Variants in SORCS2 observed in about 807,000 individuals in gnomAD.
SORCS2 encodes the protein VPS10 domain-containing receptor SorCS2.
In SORCS2, 100 loss-of-function variants were observed where a neutral mutation model predicts 141.6. The observed-to-expected ratio is 0.71, with a 90% CI of 0.60 to 0.83. The LOEUF is 0.83. SORCS2 is among the 40% of genes least tolerant of loss of function. SORCS2 has a pLI of 0.00. For synonymous variants in SORCS2, 789 were observed against 676.9 expected (o/e 1.17, Z -2.57); for missense variants, 1,646 against 1,560.2 (o/e 1.05, Z -0.93).
At chr4:7,675,919 A>C in intron 8 of SORCS2, 131 bp from the exon 9 acceptor site, 1 of 1,052,878 alleles carries the variant, frequency 9.5e-7, no homozygotes, top group Non-Finnish European at 1.4e-6. Context: ...CCAGGAGGCA[A>C]ACCTAGGCCA....
chr4:7,712,847 C>G lies in SORCS2; in HGVS notation c.1983C>G (p.Asn661Lys). The change falls in exon 15 of 27, where the codon AAC becomes AAG. Residue 661 changes from asparagine (N) to lysine (K), a missense_variant. Coordinates refer to ENST00000507866, the MANE Select transcript of SORCS2 (RefSeq NM_020777.3). ...EEDYSSWELS[N>K]LQGDRCIMGQ... ...ACTACAGCTCCTGGGAGCTCTCCAA[C>G]CTGCAGGTGGGCCGGCATGAGGCTG... 2 of 1,613,846 alleles carry G rather than the reference C, an allele frequency of 1.2e-6. No homozygotes were observed. The highest frequency in any genetic ancestry group is 1.7e-6 in the Non-Finnish European group (2 of 1,179,866).
At chr4:7,594,724 G>C (rs1369546334) in intron 3 of SORCS2, among the ~76,000 whole-genome samples, 1 of 152,152 alleles carries the variant, frequency 6.6e-6, no homozygotes, top group Non-Finnish European at 1.5e-5. Flanking sequence ...GTGTCTATGA[G>C]TGGGTGTCTT....
rs1560113504 is a variant in SORCS2, at chr4:7,724,336, GTGATGATGGTAACAGTAGTGGTAGTAA to G, written c.2611+456_2611+482del. ...TGGTGGTGGTGGTGATAGGGTGATG[GTGATGATGGTAACAGTAGTGGTAGTAA>G]TGGTGATGATGGTGGTGATAGGGTG... On this transcript the variant is annotated intron_variant, in intron 19 of 26. Transcript: ENST00000507866. 6.1e-4 allele frequency among the ~76,000 whole-genome samples: 87 copies of G among 142,336 alleles called. 2 individuals carry two copies. Among genetic ancestry groups the G allele is most frequent in the Non-Finnish European group, 8.7e-4 (58 of 67,024 alleles). 93.4% of individuals were successfully genotyped at this position (142,336 alleles called of 152,430 possible). A position where few individuals can be genotyped will look rare whatever the true frequency, so the allele number is the denominator to read the frequency against.
At chr4:7,388,734 T>G (rs369665139) in intron 1 of SORCS2, among the ~76,000 whole-genome samples, 2 of 152,174 alleles carry the variant, frequency 1.3e-5, no homozygotes, top group East Asian at 3.9e-4. Flanking sequence ...CTTGTGAACG[T>G]AAGAGTGGGC....
chr4:7,438,015 T>G (rs1156559703), intron 2 of SORCS2, among the ~76,000 whole-genome samples: 4 of 152,234 alleles, frequency 2.6e-5, no homozygotes, highest in Admixed American at 6.5e-5. Flanking sequence ...GACCAGGACA[T>G]TCTCTCATAA....
At chr4:7,204,750 T>G (rs866292877) in intron 1 of SORCS2, among the ~76,000 whole-genome samples, 3 of 152,308 alleles carry the variant, frequency 2.0e-5, no homozygotes, top group Admixed American at 1.3e-4. Context: ...ACCTCTGAAT[T>G]CTGCCACTTG....
At chr4:7,287,298 G>A (rs1278683662) in intron 1 of SORCS2, among the ~76,000 whole-genome samples, 1 of 152,232 alleles carries the variant, frequency 6.6e-6, no homozygotes, top group African/African-American at 2.4e-5. Flanking sequence ...GTGTCCGAGA[G>A]GCTCTGAGGC....
rs375869350 is a variant in SORCS2, at chr4:7,653,417, A to G, written c.814-717A>G. 3.2e-3 allele frequency among the ~76,000 whole-genome samples: 485 copies of G among 152,092 alleles called. 8 individuals are homozygous for G. In the South Asian group the frequency reaches 0.045, roughly 14 times the overall value. ...CGCCACCATGCCCAGCTAATTTTGT[A>G]TTTTTAGTAGAGGCGGGGTTTCTCC... On this transcript the variant is annotated intron_variant, in intron 4 of 26. Coordinates refer to ENST00000507866, the MANE Select transcript of SORCS2 (RefSeq NM_020777.3).
chr4:7,722,647 C>T (rs1345706950), intron 18 of SORCS2, among the ~76,000 whole-genome samples: 1 of 152,250 alleles, frequency 6.6e-6, no homozygotes, highest in East Asian at 1.9e-4. Flanking sequence ...ATTTAGGGCC[C>T]ACCCTAATCC....
At chr4:7,431,501 G>A (rs1410378818) in intron 2 of SORCS2, 1 of 152,320 alleles carries the variant, frequency 6.6e-6, no homozygotes, top group East Asian at 1.9e-4. Context: ...CCCAGAGAGT[G>A]TGTCAGGTGG....
intron 1 of SORCS2, among the ~76,000 whole-genome samples, chr4:7,239,731 G>A (rs1000528668): frequency 5.9e-5 from 9 of 152,378 alleles, no homozygotes; most frequent in African/African-American, 9.6e-5. Flanking sequence ...GGTTCTGGCC[G>A]AAAAGTTCTG....
At chr4:7,268,195 G>C (rs544954002) in intron 1 of SORCS2, among the ~76,000 whole-genome samples, 17 of 152,334 alleles carry the variant, frequency 1.1e-4, no homozygotes, top group African/African-American at 4.1e-4. Context: ...TTGCATCTGT[G>C]AGAGGGAGCT....
At chr4:7,602,370 C>G (rs1437202687) in intron 3 of SORCS2, among the ~76,000 whole-genome samples, 3 of 151,370 alleles carry the variant, frequency 2.0e-5, no homozygotes, top group Admixed American at 2.0e-4. Flanking sequence ...GGGGCGGCTG[C>G]TGGGCGGAGG....
chr4:7,681,599 G>A (rs1034004513), intron 9 of SORCS2, among the ~76,000 whole-genome samples: 1 of 152,198 alleles, frequency 6.6e-6, no homozygotes, highest in Non-Finnish European at 1.5e-5. Context: ...GGGAGAATAC[G>A]TGTGTGTTGT....
chr4:7,444,719 G>A (rs1283315584), intron 2 of SORCS2, among the ~76,000 whole-genome samples: 1 of 152,240 alleles, frequency 6.6e-6, no homozygotes, highest in Non-Finnish European at 1.5e-5. Flanking sequence ...GGTGGAAGCA[G>A]GGAGCATGCC....
intron 1 of SORCS2, among the ~76,000 whole-genome samples, chr4:7,382,464 C>T (rs976150069): frequency 2.0e-5 from 3 of 152,076 alleles, no homozygotes; most frequent in Middle Eastern, 3.2e-3. Flanking sequence ...CACCAGATCC[C>T]CGAGTTGAGT....
intron 2 of SORCS2, among the ~76,000 whole-genome samples, chr4:7,436,996 C>T (rs1019520452): frequency 3.9e-5 from 6 of 152,160 alleles, no homozygotes; most frequent in African/African-American, 1.2e-4. Context: ...CTGATTGCTC[C>T]ATGTCTGTTT....
chr4:7,258,880 G>C lies in SORCS2; in HGVS notation c.480+65754G>C, dbSNP rs372450042. Among the ~76,000 whole-genome samples, 5 of 152,324 alleles carry C rather than the reference G, an allele frequency of 3.3e-5. No individual in the cohort carries two copies. The South Asian group carries it at 6.2e-4, about 19-fold the overall frequency. On this transcript the variant is annotated intron_variant, in intron 1 of 26. Coordinates refer to ENST00000507866, the MANE Select transcript of SORCS2 (RefSeq NM_020777.3). ...CTGCATTTCTCTGATGACCAGTGATGATGAGCATTTTTTTCATACGTTTGT... is the reference window on the plus strand; with the variant it reads ...CTGCATTTCTCTGATGACCAGTGATCATGAGCATTTTTTTCATACGTTTGT...
At chr4:7,403,997 A>ATATATATATATATATATATTTTT (rs1265288820) in intron 2 of SORCS2, among the ~76,000 whole-genome samples, 1 of 19,002 alleles carries the variant, frequency 5.3e-5, no homozygotes, top group Non-Finnish European at 1.2e-4. Context: ...ATATATATAT[A>ATATATATATATATATATATTTTT]TTTTTTTTTT....
Sources: allele counts gnomAD v4.1 joint callset (sites outside exome capture counted in the v4.1 genomes callset), GRCh38; gene constraint gnomAD v4.1.1; transcripts MANE v1.5; gene names NCBI Gene and HGNC (gene_info 2026-07-23, HGNC 2026-07-21).